The following MAMLD1 variants were observed in gnomAD, a reference collection of about 807,000 sequenced individuals.
MAMLD1 encodes mastermind-like domain-containing protein 1.
MAMLD1 carries 14 observed loss-of-function variants against 45.0 expected under a neutral mutation model. That is an observed-to-expected ratio of 0.31 (90% CI 0.21 to 0.49). The LOEUF is 0.49. Among genes scored for constraint, MAMLD1 ranks in the 20% least tolerant of loss-of-function variants. MAMLD1 has a pLI of 0.99. For synonymous variants in MAMLD1, 254 were observed against 247.8 expected, an observed-to-expected ratio of 1.02 and a Z score of -0.24; for missense variants, 543 against 603.6, an observed-to-expected ratio of 0.90 and a Z score of 1.05.
rs1557408657 is a variant in MAMLD1, at chrX:150,503,449, G to T, written c.2216G>T (p.Trp739Leu). Residue 739 changes from tryptophan (W) to leucine (L), a missense_variant, in exon 6 of 8, where the codon TGG becomes TTG. Transcript: ENST00000370401. ...TACAGCACCTCAGAGGCAGCGCCCT[G>T]GGGCAGCTGGGATCCGAAGGCCTGG... ...SSYSTSEAAP[W>L]GSWDPKAWRQ... 1 of 1,211,243 alleles carries T rather than the reference G, an allele frequency of 8.3e-7. No individual in the cohort carries two copies. Among genetic ancestry groups the T allele is most frequent in the Admixed American group, 2.2e-5 (1 of 46,101 alleles).
At chrX:150,429,652 T>C (rs2034848501) in intron 1 of MAMLD1, among the ~76,000 whole-genome samples, 1 of 111,695 alleles carries the variant, frequency 9.0e-6, no homozygotes, top group Admixed American at 9.5e-5. Context: ...AATTTTTATA[T>C]ATAAATTTTT....
intron 2 of MAMLD1, among the ~76,000 whole-genome samples, chrX:150,447,863 G>T (rs2035542156): frequency 8.9e-6 from 1 of 112,005 alleles, no homozygotes; most frequent in African/African-American, 3.3e-5. Flanking sequence ...CTGGAAGCAC[G>T]TTTCTTGCAC....
intron 5 of MAMLD1, among the ~76,000 whole-genome samples, chrX:150,483,728 C>T (rs73615230): frequency 2.8e-3 from 311 of 111,470 alleles, no homozygotes; most frequent in African/African-American, 9.8e-3. Flanking sequence ...AATTTTATAC[C>T]GCCAGTGGTA....
At position 150,429,317 on chromosome X, in the gene MAMLD1, C is replaced by A. The variant is rs150932032; in HGVS notation, c.-63-16137C>A. ...TTGGTTTTTTTTTAAATAAGAAAGT[C>A]TGTACAAACATCAAAAGTTGATTGA... On this transcript the variant is annotated intron_variant, in intron 1 of 7. Transcript: ENST00000370401. Among the ~76,000 whole-genome samples the A allele has an allele frequency of 7.9e-3, 812 of 102,875 alleles. 8 individuals carry two copies. The highest frequency in any genetic ancestry group is 0.027 in the African/African-American group (775 of 28,563). 89.3% of individuals were successfully genotyped at this position (102,875 alleles called of 115,157 possible).
At chrX:150,469,509 T>C (rs1454693888) in intron 3 of MAMLD1, among the ~76,000 whole-genome samples, 3 of 112,562 alleles carry the variant, frequency 2.7e-5, no homozygotes, top group African/African-American at 9.7e-5. Flanking sequence ...CTGTATTTTA[T>C]AGTTTTCACA....
chrX:150,470,749 G>T lies in MAMLD1; in HGVS notation c.1176G>T (p.Thr392=). 1 of 1,211,879 alleles carries T rather than the reference G, an allele frequency of 8.3e-7. No homozygotes were observed. The highest frequency in any genetic ancestry group is 1.1e-6 in the Non-Finnish European group (1 of 895,547). ...GSPNALLSSM[T]SSSNAALGPA... ...CCAATGCCTTACTGTCAAGCATGAC[G>T]TCCAGCAGCAATGCTGCCCTGGGGC... Residue 392 remains threonine, a synonymous_variant, in exon 4 of 8, where the codon ACG becomes ACT. Coordinates refer to ENST00000370401, the MANE Select transcript of MAMLD1 (RefSeq NM_005491.5).
At chrX:150,471,973 C>G (rs1387735536) in intron 4 of MAMLD1, among the ~76,000 whole-genome samples, 1 of 112,373 alleles carries the variant, frequency 8.9e-6, no homozygotes, top group Non-Finnish European at 1.9e-5. Flanking sequence ...GTGCTGGATA[C>G]TCAGTCAGGT....
intron 3 of MAMLD1, among the ~76,000 whole-genome samples, chrX:150,469,236 CTA>C (rs1557406144): frequency 8.9e-6 from 1 of 112,354 alleles, no homozygotes; most frequent in Non-Finnish European, 1.9e-5. Context: ...TCGTTAAAAT[CTA>C]TGTGTCTGTA....
chrX:150,389,591 A>G (rs1483068946), intron 1 of MAMLD1, among the ~76,000 whole-genome samples: 2 of 112,150 alleles, frequency 1.8e-5, no homozygotes, highest in Non-Finnish European at 3.8e-5. Flanking sequence ...AACACTTGAA[A>G]CAAATGCGTA....
intron 1 of MAMLD1, among the ~76,000 whole-genome samples, chrX:150,402,514 C>T (rs113111029): frequency 4.5e-5 from 5 of 111,688 alleles, no homozygotes; most frequent in Non-Finnish European, 9.4e-5. Context: ...GTCAGTGTGG[C>T]GATTCCTCAG....
chrX:150,474,621 A>G (rs1056455401), intron 5 of MAMLD1, among the ~76,000 whole-genome samples: 2 of 111,969 alleles, frequency 1.8e-5, no homozygotes, highest in African/African-American at 6.5e-5. Context: ...GATTGATAGG[A>G]GTTGTGCAGC....
intron 5 of MAMLD1, among the ~76,000 whole-genome samples, chrX:150,480,097 C>A (rs2148317445): frequency 8.9e-6 from 1 of 112,048 alleles, no homozygotes; most frequent in African/African-American, 3.2e-5. Flanking sequence ...CTCTCAGATC[C>A]ACTCATGGTC....
chrX:150,400,272 T>C (rs781835805), intron 1 of MAMLD1, among the ~76,000 whole-genome samples: 11 of 111,979 alleles, frequency 9.8e-5, no homozygotes, highest in African/African-American at 3.6e-4. Flanking sequence ...TTCAACTAAT[T>C]TGAGTTATAG....
chrX:150,471,400 T>G lies in MAMLD1; in HGVS notation c.1827T>G (p.His609Gln), dbSNP rs782519703. ...AGCAACAGCAGCAGCAGCCTGACCA[T>G]TCTTCATTCCTTCTGCAGCAGATGA... ...QQQQQQQQPDHSSFLLQQMMQ... is the reference protein window; with the variant it reads ...QQQQQQQQPDQSSFLLQQMMQ... Residue 609 changes from histidine (H) to glutamine (Q), a missense_variant, in exon 4 of 8, where the codon CAT becomes CAG. Coordinates refer to ENST00000370401, the MANE Select transcript of MAMLD1 (RefSeq NM_005491.5). The G allele has an allele frequency of 6.6e-6, 8 of 1,209,561 alleles. No homozygotes were observed. In the Admixed American group the frequency reaches 1.3e-4, roughly 20 times the overall value.
intron 1 of MAMLD1, among the ~76,000 whole-genome samples, chrX:150,430,019 CTTTT>C (rs1174092962): frequency 0.059 from 2,871 of 48,971 alleles, 30 homozygotes; most frequent in Middle Eastern, 0.27. Flanking sequence ...TCTTTCTTTT[CTTTT>C]TTTTTTTTTT....
chrX:150,470,226 G>A lies in MAMLD1; in HGVS notation c.653G>A (p.Ser218Asn). 8.3e-7 allele frequency: 1 copy of A among 1,211,906 alleles called. No homozygotes were observed. The highest frequency in any genetic ancestry group is 1.8e-5 in the South Asian group (1 of 56,998). ...LVLDHPQATL[S>N]TTPKPSVQMS... is the part of the protein sequence containing the mutation. The stretch of plus-strand genomic sequence containing the variant: ...TTAGATCATCCCCAGGCAACCCTAA[G>A]CACAACTCCCAAGCCTTCGGTTCAG... The change falls in exon 4 of 8, where the codon AGC becomes AAC. Residue 218 changes from serine (S) to asparagine (N), a missense_variant. By Grantham distance (46) the Ser-to-Asn change is conservative. Transcript: ENST00000370401.
intron 1 of MAMLD1, among the ~76,000 whole-genome samples, chrX:150,384,939 G>C (rs1173629441): frequency 9.0e-6 from 1 of 110,690 alleles, no homozygotes; most frequent in African/African-American, 3.3e-5. Flanking sequence ...TGTGTGGTGA[G>C]GACACTTAAA....
intron 1 of MAMLD1, among the ~76,000 whole-genome samples, chrX:150,436,185 G>A (rs143113226): frequency 0.011 from 1,197 of 108,009 alleles, 20 homozygotes; most frequent in African/African-American, 0.039. Context: ...TGGAGAATGT[G>A]ATGACTGTGC....
At chrX:150,491,858 G>T (rs1407471289) in intron 5 of MAMLD1, among the ~76,000 whole-genome samples, 1 of 112,068 alleles carries the variant, frequency 8.9e-6, no homozygotes, top group Non-Finnish European at 1.9e-5. Flanking sequence ...TACCTTTTTC[G>T]TCTCAGACCT....
Sources: gnomAD v4.1 joint callset for allele counts (sites outside exome capture counted in the v4.1 genomes callset) on GRCh38, gnomAD v4.1.1 for gene constraint, MANE v1.5 for transcripts, NCBI Gene and HGNC (gene_info 2026-07-23, HGNC 2026-07-21) for gene names.